The following PLCH2 variants were observed in gnomAD, a reference collection of about 807,000 sequenced individuals.
PLCH2 encodes 1-phosphatidylinositol 4,5-bisphosphate phosphodiesterase eta-2.
Under a neutral mutation model 134.7 loss-of-function variants are expected in PLCH2, and 98 were observed. The ratio of observed to expected loss-of-function variants is 0.73; its 90% CI spans 0.62 to 0.86. PLCH2 has a LOEUF of 0.86. Among genes scored for constraint, PLCH2 ranks in the 40% least tolerant of loss-of-function variants. PLCH2 has a pLI of 0.00. For missense variants in PLCH2, 1,994 were observed against 1,986.6 expected (o/e 1.00, Z -0.07); for synonymous variants, 974 against 827.5 (o/e 1.18, Z -3.04).
chr1:2,502,168 G>C lies in PLCH2; in HGVS notation c.2718G>C (p.Ser906=). 1 of 1,510,330 alleles carries C rather than the reference G, an allele frequency of 6.6e-7. No homozygotes were observed. Among genetic ancestry groups the C allele is most frequent in the African/African-American group, 1.4e-5 (1 of 70,690 alleles). 93.6% of individuals were successfully genotyped at this position (1,510,330 alleles called of 1,614,324 possible). A position where few individuals can be genotyped will look rare whatever the true frequency, so the allele number is the denominator to read the frequency against. The change falls in exon 21 of 22, where the codon TCG becomes TCC. Residue 906 remains serine, a synonymous_variant. Coordinates refer to ENST00000378486, the MANE Select transcript of PLCH2 (RefSeq NM_014638.4). ...TCCTCCGAGGCCCAAAGCCCGGCTC[G>C]CTGGACAGTCATGCTGCTGGGCGGC... The part of the protein sequence containing the change: ...GLFLRGPKPG[S]LDSHAAGRPP...
At chr1:2,418,544 T>C in the PLCH2 span, among the ~76,000 whole-genome samples, 1 of 152,222 alleles carries the variant, frequency 6.6e-6, no homozygotes, top group Admixed American at 6.5e-5. Flanking sequence ...CATCCACTCC[T>C]GTTCTCCTCT....
chr1:2,451,635 G>A (rs2100558062), intron 2 of PLCH2, among the ~76,000 whole-genome samples: 1 of 152,316 alleles, frequency 6.6e-6, no homozygotes, highest in South Asian at 2.1e-4. Flanking sequence ...GCTCTCGGGG[G>A]CTCTGACCCC....
chr1:2,458,461 C>A (rs1640606902), intron 2 of PLCH2, among the ~76,000 whole-genome samples: 1 of 152,190 alleles, frequency 6.6e-6, no homozygotes, highest in Non-Finnish European at 1.5e-5. Flanking sequence ...ACTGGCCTGG[C>A]CTGACCTGGA....
At position 2,502,354 on chromosome 1, in the gene PLCH2, C is replaced by T. The variant is rs566042621; in HGVS notation, c.2904C>T (p.Pro968=). The T allele has an allele frequency of 6.4e-5, 98 of 1,539,854 alleles. 1 individual carries two copies. In the South Asian group the frequency reaches 1.0e-3, roughly 16 times the overall value. ...CAGACGATGTGGTGCCCCCCGGGCCCGGACCTGCTCCGGAAGCCCCAGCCC... is the reference window on the plus strand; with the variant it reads ...CAGACGATGTGGTGCCCCCCGGGCCTGGACCTGCTCCGGAAGCCCCAGCCC... ...GVADDVVPPG[P]GPAPEAPAQE... The change falls in exon 21 of 22, where the codon CCC becomes CCT. Residue 968 remains proline (P), a synonymous_variant. Transcript: ENST00000378486.
chr1:2,499,257 C>T lies in PLCH2; in HGVS notation c.2581+27C>T, dbSNP rs747599497. 4.3e-6 allele frequency: 7 copies of T among 1,610,362 alleles called. No individual in the cohort carries two copies. The East Asian group carries it at 1.1e-4, about 26-fold the overall frequency. On this transcript the variant is annotated intron_variant, in intron 19 of 21. Coordinates refer to ENST00000378486, the MANE Select transcript of PLCH2 (RefSeq NM_014638.4). ...TGGGCAGGAGTGGACACGGTGCCCC[C>T]CACACTGGCCGAGGGCCCCAGGGCA...
chr1:2,455,739 G>C (rs1362028873), intron 2 of PLCH2, among the ~76,000 whole-genome samples: 1 of 152,144 alleles, frequency 6.6e-6, no homozygotes, highest in South Asian at 2.1e-4. Flanking sequence ...AAGCGCACCT[G>C]CTGCAGGTGT....
At chr1:2,436,118 C>A (rs1267562763) in intron 2 of PLCH2, among the ~76,000 whole-genome samples, 10 of 126,886 alleles carry the variant, frequency 7.9e-5, no homozygotes, top group African/African-American at 2.5e-4. Flanking sequence ...TCCTCCCCTC[C>A]TCCCTTCCTC....
rs566620563 is a variant in PLCH2, at chr1:2,457,652, C to T, written c.116-20824C>T. ...GACCTGCAGGCAGTCAGGGAGGACTCCCTGAAGGAAGCGGTTTCCTCAGTG... is the reference window on the plus strand; with the variant it reads ...GACCTGCAGGCAGTCAGGGAGGACTTCCTGAAGGAAGCGGTTTCCTCAGTG... On this transcript the variant is annotated intron_variant, in intron 2 of 3. Coordinates refer to the PLCH2 transcript ENST00000609981. Among the ~76,000 whole-genome samples, 14 of 152,168 alleles carry T rather than the reference C, an allele frequency of 9.2e-5. No individual in the cohort carries two copies. The South Asian group carries it at 1.9e-3, about 20-fold the overall frequency.
intron 10 of PLCH2, among the ~76,000 whole-genome samples, chr1:2,490,928 G>A (rs570943367): frequency 3.3e-5 from 5 of 152,364 alleles, no homozygotes; most frequent in Non-Finnish European, 5.9e-5. Context: ...ACCCTGTGCC[G>A]CCTGCTGGCG....
Position 2,504,240 on chromosome 1 carries a change from G to A in PLCH2, c.3278G>A (p.Arg1093Lys). ...RTLGHLPVIR[R>K]VKSEGQVPTE... ...CTGGGCCACCTGCCCGTGATTAGAA[G>A]GGTGAAGAGTGAGGGGCAGGTGCCC... Residue 1093 changes from arginine to lysine, a missense_variant, in exon 22 of 22, where the codon AGG (arginine) becomes AAG (lysine). Around this residue, in one of 2 missense-constraint regions of PLCH2, gnomAD observed 900 missense variants for 752.3 expected, o/e 1.20. Coordinates refer to ENST00000378486, the MANE Select transcript of PLCH2 (RefSeq NM_014638.4). The A allele has an allele frequency of 2.5e-6, 4 of 1,581,732 alleles. No homozygotes were observed. The highest frequency in any genetic ancestry group is 3.4e-6 in the Non-Finnish European group (4 of 1,165,360).
chr1:2,480,211 G>T lies in PLCH2; in HGVS notation c.544G>T (p.Asp182Tyr). 1.9e-6 allele frequency: 3 copies of T among 1,612,848 alleles called. No individual in the cohort carries two copies. The highest frequency in any genetic ancestry group is 2.5e-6 in the Non-Finnish European group (3 of 1,179,830). The part of the protein sequence containing the change: ...QWLKQTFDEA[D>Y]KNGDGSLSIG... ...GCTGAAGCAGACGTTTGACGAGGCCGACAAGAACGGGGATGGCAGCCTGAG... is the reference window on the plus strand; with the variant it reads ...GCTGAAGCAGACGTTTGACGAGGCCTACAAGAACGGGGATGGCAGCCTGAG... The change falls in exon 4 of 22, where the codon GAC becomes TAC. Residue 182 changes from aspartate (D) to tyrosine (Y), a missense_variant. Coordinates refer to ENST00000378486, the MANE Select transcript of PLCH2 (RefSeq NM_014638.4).
intron 2 of PLCH2, among the ~76,000 whole-genome samples, chr1:2,430,834 C>T (rs1013574373): frequency 3.9e-5 from 6 of 152,292 alleles, no homozygotes; most frequent in East Asian, 1.9e-4. Flanking sequence ...AGGAGCCTGG[C>T]GTGCAATTCA....
chr1:2,496,894 C>T lies in PLCH2; in HGVS notation c.2000C>T (p.Pro667Leu), dbSNP rs372570010. The T allele has an allele frequency of 2.2e-5, 35 of 1,612,944 alleles. No individual in the cohort carries two copies. The highest frequency in any genetic ancestry group is 6.7e-5 in the Admixed American group (4 of 60,012). ...TKAHQILQQK[P>L]AQYLRFNQQQ... ...GCCCACCAGATTCTGCAGCAGAAGC[C>T]GGCGCAGTACCTACGCTTCAACCAG... The change falls in exon 15 of 22, where the codon CCG becomes CTG. Residue 667 changes from proline (P) to leucine (L), a missense_variant. Pro to Leu is a moderately conservative substitution (Grantham distance 98). Transcript: ENST00000378486.
chr1:2,479,687 C>T lies in PLCH2; in HGVS notation c.272-47C>T, dbSNP rs528190558. ...AGTGTTGGGGCTGCCAGCAGGGGGA[C>T]GCTGGGCCCCCGGGGACCTGACCCG... On this transcript the variant is annotated intron_variant, in intron 2 of 21. Coordinates refer to ENST00000378486, the MANE Select transcript of PLCH2 (RefSeq NM_014638.4). 418 of 1,503,230 alleles carry T rather than the reference C, an allele frequency of 2.8e-4. 4 individuals carry two copies. The South Asian group carries it at 4.8e-3, about 17-fold the overall frequency. 93.1% of individuals were successfully genotyped at this position (1,503,230 alleles called of 1,614,324 possible).
chr1:2,416,601 T>C, the PLCH2 span, among the ~76,000 whole-genome samples: 55,020 of 152,034 alleles, frequency 0.36, 10,473 homozygotes, highest in East Asian at 0.72. Flanking sequence ...AAGTGAGCCC[T>C]GGGTGGGCAC....
upstream of PLCH2, among the ~76,000 whole-genome samples, chr1:2,467,303 C>G (rs1252061753): frequency 3.9e-5 from 6 of 152,148 alleles, no homozygotes; most frequent in Non-Finnish European, 2.9e-5. Context: ...TCAGCTCCCG[C>G]CAGAGACCCC....
intron 10 of PLCH2, among the ~76,000 whole-genome samples, chr1:2,490,599 G>A (rs1444357983): frequency 2.6e-5 from 4 of 152,230 alleles, no homozygotes; most frequent in Non-Finnish European, 4.4e-5. Context: ...TCCTGGCCAC[G>A]CGGCCAACCA....
At position 2,446,511 on chromosome 1, in the gene PLCH2, GCTCCGA is replaced by G. The variant is rs963264329; in HGVS notation, c.115+15890_115+15895del. On this transcript the variant is annotated intron_variant, in intron 2 of 3. Coordinates refer to the PLCH2 transcript ENST00000609981. ...TGCAGGGGTCCCAGGAGGCGGGGCA[GCTCCGA>G]CTCCGACCGCCCTCCGGATTATTCT... Among the ~76,000 whole-genome samples, 30 of 152,350 alleles carry G rather than the reference GCTCCGA, an allele frequency of 2.0e-4. No homozygotes were observed. The Middle Eastern group carries it at 0.01, about 52-fold the overall frequency.
At position 2,498,709 on chromosome 1, in the gene PLCH2, T is replaced by G. The variant is rs775531557; in HGVS notation, c.2350-35T>G. On this transcript the variant is annotated intron_variant, in intron 17 of 21. Transcript: ENST00000378486. This position sits in a 1 kb window ranked among gnomAD's most constrained non-coding sequence, Gnocchi z 5.4. ...GTTGGGGGCGGGCCGGGCATCGCGA[T>G]GGGCCCTGATGCCACCCCCACTCCT... The G allele has an allele frequency of 6.3e-7, 1 of 1,576,794 alleles. No homozygotes were observed. Among genetic ancestry groups the G allele is most frequent in the Middle Eastern group, 1.7e-4 (1 of 5,754 alleles).
Sources: allele counts gnomAD v4.1 joint callset (sites outside exome capture counted in the v4.1 genomes callset), GRCh38; gene constraint gnomAD v4.1.1; regional missense constraint gnomAD v4.1.1; non-coding constraint Gnocchi (gnomAD v3.1); transcripts MANE v1.5; gene names NCBI Gene and HGNC (gene_info 2026-07-23, HGNC 2026-07-21).